DGKB: variants seen among roughly 807,000 people sequenced by gnomAD.
DGKB encodes the protein diacylglycerol kinase beta, also known as 90 kDa diacylglycerol kinase.
In DGKB, 67 loss-of-function variants were observed where a neutral mutation model predicts 114.3. That is an observed-to-expected ratio of 0.59 (90% CI 0.48 to 0.72). The LOEUF (loss-of-function observed/expected upper bound fraction) is 0.72, where lower values mean the gene tolerates loss of function less well. Ranked by LOEUF, DGKB falls within the 30% of genes least tolerant of loss-of-function variation. The probability of loss-of-function intolerance (pLI) is 0.00; values close to 1 mark genes in which losing one functional copy is unlikely to be tolerated. For missense variants in DGKB, 907 were observed against 975.2 expected, an observed-to-expected ratio of 0.93 and a Z score of 0.93; for synonymous variants, 398 against 323.1, an observed-to-expected ratio of 1.23 and a Z score of -2.49.
At chr7:14,604,654 C>A (rs1296432381) in intron 17 of DGKB, among the ~76,000 whole-genome samples, 2 of 152,042 alleles carry the variant, frequency 1.3e-5, no homozygotes, top group Non-Finnish European at 2.9e-5. Context: ...TGAAACAGAG[C>A]AACTTCTAAC....
intron 23 of DGKB, among the ~76,000 whole-genome samples, chr7:14,264,934 A>C (rs1797272839): frequency 6.6e-6 from 1 of 152,188 alleles, no homozygotes. Flanking sequence ...AACTGAAACA[A>C]AGACTTTACC....
chr7:14,572,451 C>CA lies in DGKB; in HGVS notation c.1770+1760dup, dbSNP rs545890989. ...TGGGTGACAGAGCGAGACACCATCTCAAAAAAAAAGAAAAAAAAAAGAATA... is the reference window on the plus strand; with the variant it reads ...TGGGTGACAGAGCGAGACACCATCTCAAAAAAAAAAGAAAAAAAAAAGAATA... On this transcript the variant is annotated intron_variant, in intron 20 of 25. Coordinates refer to ENST00000402815, the MANE Select transcript of DGKB (RefSeq NM_001350709.2). Among the ~76,000 whole-genome samples, 539 of 131,422 alleles carry CA rather than the reference C, an allele frequency of 4.1e-3. 8 individuals carry two copies. Among genetic ancestry groups the CA allele is most frequent in the Admixed American group, 0.031 (408 of 13,100 alleles). The allele number at this position is 131,422 out of a possible 152,430, so 86.2% of individuals were successfully genotyped here.
chr7:14,655,999 G>A (rs952336272), intron 13 of DGKB, among the ~76,000 whole-genome samples: 3 of 151,588 alleles, frequency 2.0e-5, no homozygotes, highest in African/African-American at 7.2e-5. Context: ...AATTTATTGT[G>A]TATGTTCAAA....
intron 17 of DGKB, among the ~76,000 whole-genome samples, chr7:14,589,921 T>C (rs1035989463): frequency 6.8e-6 from 1 of 146,742 alleles, no homozygotes; most frequent in Non-Finnish European, 1.5e-5. Flanking sequence ...TTGCAGAGTA[T>C]TCCCCATTTT....
chr7:14,306,430 T>G (rs1392655703), intron 23 of DGKB, among the ~76,000 whole-genome samples: 1 of 152,134 alleles, frequency 6.6e-6, no homozygotes, highest in African/African-American at 2.4e-5. Context: ...GGGTTTTAAA[T>G]GCTCACTCTT....
At chr7:14,339,220 A>AAG (rs1811201064) in intron 22 of DGKB, among the ~76,000 whole-genome samples, 1 of 151,806 alleles carries the variant, frequency 6.6e-6, no homozygotes, top group Non-Finnish European at 1.5e-5. Context: ...AAAAAAAAAA[A>AAG]AGTAAAATTC....
intron 1 of DGKB, among the ~76,000 whole-genome samples, chr7:14,851,577 C>A (rs975689): frequency 0.33 from 49,885 of 152,020 alleles, 9,912 homozygotes; most frequent in Non-Finnish European, 0.44. Flanking sequence ...TTCAGGAACA[C>A]TGTTATACTT....
rs527656046 is a variant in DGKB, at chr7:14,626,954, T to C, written c.1167+3282A>G. Among the ~76,000 whole-genome samples, 38 of 152,284 alleles carry C rather than the reference T, an allele frequency of 2.5e-4. No homozygotes were observed. In the South Asian group the frequency reaches 7.3e-3, roughly 29 times the overall value. On this transcript the variant is annotated intron_variant, in intron 14 of 25. Transcript: ENST00000402815. ...TTATTTCTGTGTAAGCTTGGGCAAGTTATTTACCATTGCTATGTTACCACT... is the reference window on the plus strand; with the variant it reads ...TTATTTCTGTGTAAGCTTGGGCAAGCTATTTACCATTGCTATGTTACCACT...
chr7:14,621,521 A>G (rs1807650798), intron 14 of DGKB, 27 bp from the exon 15 acceptor site: 12 of 1,353,374 alleles, frequency 8.9e-6, no homozygotes, highest in Non-Finnish European at 1.2e-5. Flanking sequence ...TTTGATAAAA[A>G]TAAAAATTAG....
At chr7:14,262,132 T>A (rs1404641543) in intron 23 of DGKB, among the ~76,000 whole-genome samples, 1 of 152,128 alleles carries the variant, frequency 6.6e-6, no homozygotes, top group Admixed American at 6.6e-5. Flanking sequence ...TCCAAGATAA[T>A]GACGTATCAG....
intron 1 of DGKB, among the ~76,000 whole-genome samples, chr7:14,948,914 A>G (rs1270219323): frequency 6.6e-6 from 1 of 151,782 alleles, no homozygotes; most frequent in African/African-American, 2.4e-5. Flanking sequence ...ATGCCAAAAG[A>G]TTTGCATTTA....
At chr7:14,698,051 G>A (rs374861176) in intron 8 of DGKB, 44 bp downstream of exon 8, 97 of 976,348 alleles carry the variant, frequency 9.9e-5, no homozygotes, top group Non-Finnish European at 1.9e-5. Context: ...AAAGAAAGAG[G>A]CCTTCCAGAA....
intron 20 of DGKB, among the ~76,000 whole-genome samples, chr7:14,535,459 A>C (rs2128604472): frequency 6.6e-6 from 1 of 152,258 alleles, no homozygotes; most frequent in Admixed American, 6.5e-5. Flanking sequence ...TTTATACCTC[A>C]AGTAACTACA....
intron 21 of DGKB, among the ~76,000 whole-genome samples, chr7:14,382,629 T>G (rs1249243308): frequency 6.6e-6 from 1 of 152,164 alleles, no homozygotes; most frequent in Non-Finnish European, 1.5e-5. Flanking sequence ...GAATAGCAAC[T>G]CACAGGAAAT....
chr7:14,610,381 G>C (rs1805322496), intron 16 of DGKB, among the ~76,000 whole-genome samples: 1 of 151,966 alleles, frequency 6.6e-6, no homozygotes, highest in Non-Finnish European at 1.5e-5. Flanking sequence ...TACCAGAGTG[G>C]GGAAGGAAGA....
At chr7:14,827,145 CACCCA>C (rs1208859977) in intron 2 of DGKB, among the ~76,000 whole-genome samples, 2 of 152,128 alleles carry the variant, frequency 1.3e-5, no homozygotes, top group Non-Finnish European at 2.9e-5. Context: ...CAAGTGTTTT[CACCCA>C]TCCTGTGTAT....
chr7:14,767,738 T>C (rs1172253563), intron 2 of DGKB, among the ~76,000 whole-genome samples: 1 of 151,982 alleles, frequency 6.6e-6, no homozygotes, highest in Non-Finnish European at 1.5e-5. Context: ...GCAGACATTT[T>C]ATGTGTGTAA....
chr7:14,190,855 G>C (rs1347936196), intron 23 of DGKB: 1 of 152,734 alleles, frequency 6.5e-6, no homozygotes, highest in East Asian at 1.9e-4. Context: ...ATTGATTCAG[G>C]CAAGTCCACC....
intron 20 of DGKB, among the ~76,000 whole-genome samples, chr7:14,566,046 T>C (rs1797337400): frequency 6.6e-6 from 1 of 152,106 alleles, no homozygotes; most frequent in African/African-American, 2.4e-5. Context: ...CCAAACCTGT[T>C]TATGCCTGTT....
Sources: allele counts gnomAD v4.1 joint callset (sites outside exome capture counted in the v4.1 genomes callset), GRCh38; gene constraint gnomAD v4.1.1; transcripts MANE v1.5; gene names NCBI Gene and HGNC (gene_info 2026-07-23, HGNC 2026-07-21).